RORA: variants seen among roughly 807,000 people sequenced by gnomAD.
The protein encoded by RORA is nuclear receptor ROR-alpha.
A neutral mutation model predicts 69.5 loss-of-function variants in RORA; 7 were observed. The ratio of observed to expected loss-of-function variants is 0.10; its 90% CI spans 0.06 to 0.19. RORA has a LOEUF of 0.19. Among genes scored for constraint, RORA ranks in the 10% least tolerant of loss-of-function variants. RORA has a pLI of 1.00. For synonymous variants in RORA, 261 were observed against 240.8 expected (o/e 1.08, Z -0.78); for missense variants, 457 against 663.0 (o/e 0.69, Z 3.41).
At chr15:60,702,365 G>A (rs2070996179) in intron 1 of RORA, among the ~76,000 whole-genome samples, 1 of 152,140 alleles carries the variant, frequency 6.6e-6, no homozygotes, top group Admixed American at 6.5e-5. Context: ...CCGAGTAGCT[G>A]GGATTACAGG....
intron 1 of RORA, among the ~76,000 whole-genome samples, chr15:61,036,353 T>C (rs796365882): frequency 6.6e-6 from 1 of 152,150 alleles, no homozygotes; most frequent in Non-Finnish European, 1.5e-5. Flanking sequence ...TTGCTTCACA[T>C]CTCCATTGGT....
intron 1 of RORA, among the ~76,000 whole-genome samples, chr15:60,999,628 G>A (rs1027691750): frequency 6.6e-6 from 1 of 152,092 alleles, no homozygotes; most frequent in Non-Finnish European, 1.5e-5. Context: ...TGCCCCTGCC[G>A]CGGCCTTATC....
intron 1 of RORA, among the ~76,000 whole-genome samples, chr15:60,957,896 A>T (rs1893314514): frequency 6.6e-6 from 1 of 152,216 alleles, no homozygotes; most frequent in African/African-American, 2.4e-5. Context: ...TTATCCTATA[A>T]GGAGCTTTGT....
At chr15:61,188,030 C>T (rs1022868627) in intron 1 of RORA, among the ~76,000 whole-genome samples, 1 of 152,196 alleles carries the variant, frequency 6.6e-6, no homozygotes, top group Admixed American at 6.5e-5. Flanking sequence ...AAGATCCCGA[C>T]AGGCTTTGAG....
At chr15:60,701,485 T>C (rs988625433) in intron 1 of RORA, among the ~76,000 whole-genome samples, 22 of 152,300 alleles carry the variant, frequency 1.4e-4, no homozygotes, top group Admixed American at 1.4e-3. Context: ...CTCAATTTAG[T>C]GTCCGGTGAA....
At chr15:61,210,709 G>A (rs953723628) in intron 1 of RORA, among the ~76,000 whole-genome samples, 2 of 152,162 alleles carry the variant, frequency 1.3e-5, no homozygotes, top group African/African-American at 4.8e-5. Context: ...ACCTTGAGCC[G>A]CAAAGAGGAA....
intron 1 of RORA, among the ~76,000 whole-genome samples, chr15:60,933,086 G>C (rs1250236105): frequency 6.6e-6 from 1 of 152,128 alleles, no homozygotes; most frequent in Admixed American, 6.5e-5. Flanking sequence ...CCAGGGCTGT[G>C]ACCCTGAGCA....
At chr15:60,899,207 T>G (rs1452898182) in intron 1 of RORA, among the ~76,000 whole-genome samples, 2 of 152,198 alleles carry the variant, frequency 1.3e-5, no homozygotes, top group African/African-American at 4.8e-5. Flanking sequence ...TTCTGTAGTA[T>G]CTCCCAGGGA....
chr15:60,903,448 T>C (rs1467798332), intron 1 of RORA, among the ~76,000 whole-genome samples: 1 of 152,208 alleles, frequency 6.6e-6, no homozygotes. Flanking sequence ...TCCGGAACCA[T>C]CCTTTCCCCT....
chr15:60,758,254 G>A (rs781661421), intron 1 of RORA, among the ~76,000 whole-genome samples: 8 of 152,140 alleles, frequency 5.3e-5, no homozygotes, highest in Non-Finnish European at 1.0e-4. Context: ...TCAGTGACAC[G>A]ACCCACTCAG....
chr15:60,959,628 G>C (rs1893360219), intron 1 of RORA, among the ~76,000 whole-genome samples: 1 of 152,130 alleles, frequency 6.6e-6, no homozygotes. Context: ...ATATTAAAGA[G>C]CCTGAAACTC....
intron 1 of RORA, among the ~76,000 whole-genome samples, chr15:60,786,229 C>T (rs772249744): frequency 1.3e-5 from 2 of 152,152 alleles, no homozygotes; most frequent in Non-Finnish European, 1.5e-5. Context: ...CTTGGACAAG[C>T]CACTAAATAC....
intron 1 of RORA, among the ~76,000 whole-genome samples, chr15:61,187,937 C>T (rs1230231772): frequency 6.6e-6 from 1 of 152,078 alleles, no homozygotes; most frequent in Non-Finnish European, 1.5e-5. Flanking sequence ...CCCCAACATC[C>T]TCTCCCTCAA....
intron 1 of RORA, among the ~76,000 whole-genome samples, chr15:60,938,455 C>T (rs971015576): frequency 2.0e-5 from 3 of 152,160 alleles, no homozygotes; most frequent in Non-Finnish European, 2.9e-5. Context: ...GTTTAGTTGC[C>T]ACTGTAGATG....
intron 5 of RORA, among the ~76,000 whole-genome samples, chr15:60,506,928 A>C (rs1221804402): frequency 6.6e-6 from 1 of 151,814 alleles, no homozygotes; most frequent in Non-Finnish European, 1.5e-5. Flanking sequence ...TGGAGGTTGC[A>C]GTGAGCCGAG....
intron 1 of RORA, among the ~76,000 whole-genome samples, chr15:60,920,240 C>T (rs552435428): frequency 6.6e-6 from 1 of 152,172 alleles, no homozygotes; most frequent in Non-Finnish European, 1.5e-5. Context: ...TTTCTATCTA[C>T]GAATCAGCCA....
chr15:60,647,090 C>T (rs1774403034), intron 2 of RORA, among the ~76,000 whole-genome samples: 1 of 152,134 alleles, frequency 6.6e-6, no homozygotes, highest in Non-Finnish European at 1.5e-5. Context: ...GGGAAATGGG[C>T]CATGTCATTC....
intron 1 of RORA, among the ~76,000 whole-genome samples, chr15:61,012,105 C>T (rs1895106379): frequency 1.3e-5 from 2 of 152,150 alleles, no homozygotes; most frequent in African/African-American, 4.8e-5. Flanking sequence ...TTTGATGTGC[C>T]CTCTCTCCAA....
At chr15:60,996,820 G>A (rs1352742560) in intron 1 of RORA, among the ~76,000 whole-genome samples, 4 of 152,092 alleles carry the variant, frequency 2.6e-5, no homozygotes, top group Middle Eastern at 3.4e-3. Context: ...TGAAGCAGGA[G>A]AATGGTGTGA....
Sources: allele counts gnomAD v4.1 joint callset (sites outside exome capture counted in the v4.1 genomes callset), GRCh38; gene constraint gnomAD v4.1.1; transcripts MANE v1.5; gene names NCBI Gene and HGNC (gene_info 2026-07-23, HGNC 2026-07-21).